Variants in FOXP1 observed in about 807,000 individuals in gnomAD.
FOXP1 encodes forkhead box P1, also known as forkhead box protein P1.
FOXP1 carries 15 observed loss-of-function variants against 98.2 expected under a neutral mutation model. That is an observed-to-expected ratio of 0.15 (90% CI 0.10 to 0.24). The LOEUF (loss-of-function observed/expected upper bound fraction) is 0.24. FOXP1 is among the 10% of genes least tolerant of loss of function. The pLI, the probability that FOXP1 is intolerant of heterozygous loss-of-function variation, is 1.00. For missense variants in FOXP1, 633 were observed against 848.5 expected, an observed-to-expected ratio of 0.75 and a Z score of 3.15; for synonymous variants, 371 against 314.5, an observed-to-expected ratio of 1.18 and a Z score of -1.90.
At chr3:71,078,125 C>G (rs946668084) in intron 7 of FOXP1, among the ~76,000 whole-genome samples, 9 of 146,436 alleles carry the variant, frequency 6.1e-5, no homozygotes, top group African/African-American at 2.2e-4. Flanking sequence ...AACCACCCCG[C>G]CCGGCCTCCT....
At chr3:71,484,835 G>T (rs2090537575) in intron 3 of FOXP1, among the ~76,000 whole-genome samples, 1 of 152,096 alleles carries the variant, frequency 6.6e-6, no homozygotes, top group South Asian at 2.1e-4. Flanking sequence ...AAACGTGGAG[G>T]TAAAGAAGAA....
chr3:71,410,150 G>C (rs1357836678), intron 3 of FOXP1, among the ~76,000 whole-genome samples: 1 of 152,164 alleles, frequency 6.6e-6, no homozygotes, highest in Non-Finnish European at 1.5e-5. Context: ...AGAGTTTTCA[G>C]GAGGATGCAA....
At chr3:70,998,074 C>T (rs1424478458) in intron 13 of FOXP1, among the ~76,000 whole-genome samples, 1 of 152,210 alleles carries the variant, frequency 6.6e-6, no homozygotes, top group Non-Finnish European at 1.5e-5. Flanking sequence ...AGAGCTTAGG[C>T]AGCCAGAACC....
intron 5 of FOXP1, among the ~76,000 whole-genome samples, chr3:71,266,461 A>C (rs1343988023): frequency 6.6e-6 from 1 of 152,158 alleles, no homozygotes; most frequent in South Asian, 2.1e-4. Flanking sequence ...TATGTTGCCC[A>C]GGCTGGTCTT....
At chr3:71,030,812 A>G (rs2046765158) in intron 11 of FOXP1, among the ~76,000 whole-genome samples, 1 of 152,136 alleles carries the variant, frequency 6.6e-6, no homozygotes, top group African/African-American at 2.4e-5. Flanking sequence ...ATTTTTTTCT[A>G]ATTAAAGTAA....
rs2032316013 is a variant in FOXP1 at position 70,958,248 on chromosome 3, C to T, written c.*999G>A. ...AAAAAGAAAATCCGAAACACCCCTC[C>T]CCCGAACCACCCCCAATACTGCTGC... On this transcript the variant is annotated 3_prime_UTR_variant, in exon 21 of 21. Transcript: ENST00000649528. 3 of 517,998 alleles carry T rather than the reference C, an allele frequency of 5.8e-6. No homozygotes were observed. Among genetic ancestry groups the T allele is most frequent in the Admixed American group, 4.8e-5 (2 of 41,730 alleles). 32.1% of individuals were successfully genotyped at this position (517,998 alleles called of 1,614,324 possible).
intron 2 of FOXP1, among the ~76,000 whole-genome samples, chr3:71,537,998 A>C (rs1216510070): frequency 6.6e-6 from 1 of 152,188 alleles, no homozygotes; most frequent in Non-Finnish European, 1.5e-5. Context: ...TTGCACTACA[A>C]TGGCAAAACT....
chr3:71,168,339 A>G (rs1462535375), intron 6 of FOXP1, among the ~76,000 whole-genome samples: 2 of 152,208 alleles, frequency 1.3e-5, no homozygotes, highest in African/African-American at 4.8e-5. Context: ...TCACATCATG[A>G]GTACCATCAA....
intron 3 of FOXP1, among the ~76,000 whole-genome samples, chr3:71,444,173 T>G (rs1251564360): frequency 6.6e-6 from 1 of 152,206 alleles, no homozygotes; most frequent in Non-Finnish European, 1.5e-5. Flanking sequence ...ACCACACGTG[T>G]ACTCGGCCTA....
chr3:71,582,656 G>A, intron 1 of FOXP1: 1 of 985,420 alleles, frequency 1.0e-6, no homozygotes, highest in Non-Finnish European at 1.2e-6. Context: ...AGAGAGATCC[G>A]GGCGCGGCGA....
chr3:71,511,647 T>G (rs1181821014), intron 2 of FOXP1, among the ~76,000 whole-genome samples: 1 of 152,248 alleles, frequency 6.6e-6, no homozygotes, highest in Non-Finnish European at 1.5e-5. Context: ...TGACTTCCTT[T>G]TTTTTGGTTT....
At chr3:71,212,403 G>A (rs2064552546) in intron 5 of FOXP1, among the ~76,000 whole-genome samples, 1 of 152,124 alleles carries the variant, frequency 6.6e-6, no homozygotes, top group Admixed American at 6.5e-5. Flanking sequence ...GGGGCTACAT[G>A]GACACTTACA....
chr3:71,528,094 C>G (rs1409650929), intron 2 of FOXP1, among the ~76,000 whole-genome samples: 2 of 152,152 alleles, frequency 1.3e-5, no homozygotes, highest in Non-Finnish European at 2.9e-5. Flanking sequence ...TACTCACACA[C>G]CTAAAAATGC....
intron 2 of FOXP1, among the ~76,000 whole-genome samples, chr3:71,577,196 A>G (rs1231736049): frequency 2.6e-5 from 4 of 152,194 alleles, no homozygotes; most frequent in Non-Finnish European, 4.4e-5. Flanking sequence ...GAAACAAAGA[A>G]CACTGTCTAA....
intron 6 of FOXP1, among the ~76,000 whole-genome samples, chr3:71,171,422 G>C (rs549286275): frequency 6.6e-6 from 1 of 152,302 alleles, no homozygotes; most frequent in South Asian, 2.1e-4. Context: ...TATCTGAAGA[G>C]AGCGTGCTAA....
intron 6 of FOXP1, among the ~76,000 whole-genome samples, chr3:71,161,835 C>G (rs1402061185): frequency 6.6e-6 from 1 of 152,092 alleles, no homozygotes; most frequent in Non-Finnish European, 1.5e-5. Flanking sequence ...ATTCAGATGT[C>G]CTTAGAGGGA....
chr3:71,188,460 G>T (rs552634327), intron 6 of FOXP1, among the ~76,000 whole-genome samples: 1 of 151,260 alleles, frequency 6.6e-6, no homozygotes. Flanking sequence ...TGTAGCCCAG[G>T]CTGGAGTGCA....
chr3:71,338,532 A>T (rs1477187146), intron 4 of FOXP1, among the ~76,000 whole-genome samples: 1 of 152,112 alleles, frequency 6.6e-6, no homozygotes, highest in Non-Finnish European at 1.5e-5. Context: ...GGTCCATGCC[A>T]TTCTCCTGCC....
intron 4 of FOXP1, among the ~76,000 whole-genome samples, chr3:71,357,568 C>T (rs2078249000): frequency 6.6e-6 from 1 of 152,202 alleles, no homozygotes; most frequent in African/African-American, 2.4e-5. Context: ...CCTGGGACAT[C>T]AAATTGTTCA....
Sources: gnomAD v4.1 joint callset for allele counts (sites outside exome capture counted in the v4.1 genomes callset) on GRCh38, gnomAD v4.1.1 for gene constraint, MANE v1.5 for transcripts, NCBI Gene and HGNC (gene_info 2026-07-23, HGNC 2026-07-21) for gene names.